Variants in GALNTL6 observed in about 807,000 individuals in gnomAD.
GALNTL6 encodes the protein polypeptide N-acetylgalactosaminyltransferase like 6.
A neutral mutation model predicts 73.7 loss-of-function variants in GALNTL6; 46 were observed. That is an observed-to-expected ratio of 0.62 (90% CI 0.49 to 0.80). GALNTL6 has a LOEUF of 0.80. Among genes scored for constraint, GALNTL6 ranks in the 30% least tolerant of loss-of-function variants. GALNTL6 has a pLI of 0.00. For missense variants in GALNTL6, 604 were observed against 755.0 expected (o/e 0.80, Z 2.34); for synonymous variants, 259 against 263.7 (o/e 0.98, Z 0.17).
intron 5 of GALNTL6, among the ~76,000 whole-genome samples, chr4:172,741,490 G>C (rs539642124): frequency 6.6e-6 from 1 of 152,032 alleles, no homozygotes; most frequent in South Asian, 2.1e-4. Context: ...TTTCATATAT[G>C]TACATATACA....
rs540473714 is a variant in GALNTL6, at chr4:172,587,806, G to A, written c.554-221555G>A. 5.3e-5 allele frequency among the ~76,000 whole-genome samples: 8 copies of A among 152,266 alleles called. No individual in the cohort carries two copies. In the South Asian group the frequency reaches 1.5e-3, roughly 28 times the overall value. On this transcript the variant is annotated intron_variant, in intron 5 of 12. Coordinates refer to ENST00000506823, the MANE Select transcript of GALNTL6 (RefSeq NM_001034845.3). ...GTGATGCAAGTGCATGTGCAGAAGT[G>A]TGTGTGTCTGTGTGTGTGTGCATGT...
chr4:172,890,874 A>G (rs1053778609), intron 8 of GALNTL6, among the ~76,000 whole-genome samples: 1 of 152,144 alleles, frequency 6.6e-6, no homozygotes, highest in Non-Finnish European at 1.5e-5. Flanking sequence ...GGGTGCTTCA[A>G]TGTTTGGTGC....
chr4:171,968,375 C>T (rs187088317), intron 2 of GALNTL6, among the ~76,000 whole-genome samples: 5 of 152,282 alleles, frequency 3.3e-5, no homozygotes, highest in Admixed American at 3.3e-4. Context: ...GTCCTAGTTT[C>T]TGGTCATTGC....
intron 3 of GALNTL6, among the ~76,000 whole-genome samples, chr4:172,289,726 A>G (rs1481917116): frequency 6.6e-6 from 1 of 152,200 alleles, no homozygotes; most frequent in Non-Finnish European, 1.5e-5. Flanking sequence ...TGAGTTATTA[A>G]CCAAAATAAA....
intron 7 of GALNTL6, among the ~76,000 whole-genome samples, chr4:172,868,238 T>G (rs1337899369): frequency 6.6e-6 from 1 of 152,166 alleles, no homozygotes; most frequent in African/African-American, 2.4e-5. Flanking sequence ...ATCACAACAC[T>G]ATGCAAAAAT....
intron 5 of GALNTL6, among the ~76,000 whole-genome samples, chr4:172,491,907 G>A (rs1326870221): frequency 6.6e-6 from 1 of 152,134 alleles, no homozygotes. Flanking sequence ...GCATTTTAAT[G>A]TTAGAGCATT....
chr4:172,485,837 GT>G (rs1192039935), intron 5 of GALNTL6, among the ~76,000 whole-genome samples: 2 of 152,026 alleles, frequency 1.3e-5, no homozygotes, highest in African/African-American at 2.4e-5. Flanking sequence ...GGTTCTAAAT[GT>G]TTTTATGTTG....
At position 172,037,212 on chromosome 4, in the gene GALNTL6, A is replaced by T. The variant is rs115466570; in HGVS notation, c.139-192444A>T. ...GTCACTTAACGTGTATCAATACAAT[A>T]GTTTATCTTCTCTGTGTTTATACAT... is the stretch of plus-strand genomic sequence containing the variant. On this transcript the variant is annotated intron_variant, in intron 2 of 12. Coordinates refer to ENST00000506823, the MANE Select transcript of GALNTL6 (RefSeq NM_001034845.3). 3.9e-3 allele frequency among the ~76,000 whole-genome samples: 592 copies of T among 152,294 alleles called. 3 individuals are homozygous for T. The highest frequency in any genetic ancestry group is 0.014 in the African/African-American group (571 of 41,572).
rs150642617 is a variant in GALNTL6, at chr4:172,975,679, A to G, written c.1371+23421A>G. Among the ~76,000 whole-genome samples, 608 of 152,248 alleles carry G rather than the reference A, an allele frequency of 4.0e-3. 6 individuals carry two copies. The highest frequency in any genetic ancestry group is 0.017 in the Middle Eastern group (5 of 294). On this transcript the variant is annotated intron_variant, in intron 10 of 12. Transcript: ENST00000506823. ...TGTTCTGAGGGATGCCTGCAGGTAC[A>G]AGCTGAGCCATCCTCAGCCCCTTGC...
chr4:172,115,507 G>A (rs1352857543), intron 2 of GALNTL6, among the ~76,000 whole-genome samples: 7 of 152,014 alleles, frequency 4.6e-5, no homozygotes, highest in Non-Finnish European at 1.0e-4. Context: ...AGTGCAATAT[G>A]GTTTAAGAAT....
intron 3 of GALNTL6, among the ~76,000 whole-genome samples, chr4:172,303,022 T>C (rs1739995646): frequency 6.6e-6 from 1 of 152,094 alleles, no homozygotes; most frequent in Admixed American, 6.6e-5. Context: ...TTTTTTGAAA[T>C]GGAGTCTCAC....
intron 2 of GALNTL6, among the ~76,000 whole-genome samples, chr4:172,145,613 C>A (rs1022850931): frequency 6.6e-6 from 1 of 152,112 alleles, no homozygotes; most frequent in Non-Finnish European, 1.5e-5. Flanking sequence ...ATCTGTTTTA[C>A]TAGTATCCAT....
intron 2 of GALNTL6, among the ~76,000 whole-genome samples, chr4:171,998,836 T>C (rs1427677786): frequency 1.3e-5 from 2 of 152,108 alleles, no homozygotes; most frequent in African/African-American, 4.8e-5. Context: ...TAATGGTTGT[T>C]AGAGATGTTT....
intron 2 of GALNTL6, among the ~76,000 whole-genome samples, chr4:171,908,077 A>T (rs529705895): frequency 0.036 from 5,481 of 152,182 alleles, 304 homozygotes; most frequent in African/African-American, 0.12. Flanking sequence ...TTCAGGACAT[A>T]GGCATGGGCA....
Position 172,106,095 on chromosome 4 carries a change from C to A in GALNTL6, c.139-123561C>A, listed in dbSNP as rs1435718524. On this transcript the variant is annotated intron_variant, in intron 2 of 12. Transcript: ENST00000506823. ...CACAGATGTGACTAAGAAACCTCTA[C>A]ATGTTCCAGATAAAAGAAAATGACA... Among the ~76,000 whole-genome samples the A allele has an allele frequency of 2.6e-5, 4 of 152,156 alleles. No individual in the cohort carries two copies. The East Asian group carries it at 7.7e-4, about 29-fold the overall frequency.
intron 5 of GALNTL6, among the ~76,000 whole-genome samples, chr4:172,611,640 T>G (rs1260026101): frequency 6.6e-6 from 1 of 152,076 alleles, no homozygotes; most frequent in Non-Finnish European, 1.5e-5. Flanking sequence ...ATCTGATGAC[T>G]ATGTATCCTG....
intron 5 of GALNTL6, among the ~76,000 whole-genome samples, chr4:172,578,224 G>A (rs1007361603): frequency 6.6e-6 from 1 of 151,992 alleles, no homozygotes; most frequent in African/African-American, 2.4e-5. Flanking sequence ...AAAAGCCAAG[G>A]ATGACTTTAA....
At chr4:171,852,667 A>G (rs1037350357) in intron 2 of GALNTL6, among the ~76,000 whole-genome samples, 1 of 152,150 alleles carries the variant, frequency 6.6e-6, no homozygotes, top group Non-Finnish European at 1.5e-5. Context: ...CCCATGTATC[A>G]TGATTTGGGG....
intron 7 of GALNTL6, among the ~76,000 whole-genome samples, chr4:172,818,261 G>T (rs1163208892): frequency 6.6e-6 from 1 of 152,168 alleles, no homozygotes; most frequent in Non-Finnish European, 1.5e-5. Flanking sequence ...GAGAATTTAT[G>T]CAGGTTCCTA....
Sources: gnomAD v4.1 joint callset for allele counts (sites outside exome capture counted in the v4.1 genomes callset) on GRCh38, gnomAD v4.1.1 for gene constraint, MANE v1.5 for transcripts, NCBI Gene and HGNC (gene_info 2026-07-23, HGNC 2026-07-21) for gene names.